SLC10A6: variants seen among roughly 807,000 people sequenced by gnomAD.
SLC10A6 encodes the protein sodium-dependent organic anion transporter.
Under a neutral mutation model 30.0 loss-of-function variants are expected in SLC10A6, and 27 were observed. The ratio of observed to expected loss-of-function variants is 0.90; its 90% confidence interval spans 0.66 to 1.24. The LOEUF (loss-of-function observed/expected upper bound fraction) is 1.24. Ranked by LOEUF, SLC10A6 falls within the 50% of genes most tolerant of loss-of-function variation. The pLI is 0.00. For missense variants in SLC10A6, 439 were observed against 457.0 expected, an observed-to-expected ratio of 0.96 and a Z score of 0.36; for synonymous variants, 166 against 173.8, an observed-to-expected ratio of 0.95 and a Z score of 0.36.
intron 1 of SLC10A6, among the ~76,000 whole-genome samples, chr4:86,842,694 T>A (rs1172846414): frequency 7.2e-5 from 8 of 110,670 alleles, no homozygotes; most frequent in African/African-American, 4.5e-4. Flanking sequence ...TAAGACCCTG[T>A]CTCAAAAAAA....
intron 1 of SLC10A6, among the ~76,000 whole-genome samples, chr4:86,842,954 C>T (rs1467632436): frequency 6.7e-6 from 1 of 149,306 alleles, no homozygotes; most frequent in Non-Finnish European, 1.5e-5. Context: ...TCACAGCAAC[C>T]TCTGCCTCCT....
At chr4:86,837,225 G>GAGAC (rs1553899172) in intron 1 of SLC10A6, among the ~76,000 whole-genome samples, 1 of 39,120 alleles carries the variant, frequency 2.6e-5, no homozygotes, top group East Asian at 9.3e-4. Flanking sequence ...GAGAGAGAGA[G>GAGAC]AGAAAGAAAG....
At chr4:86,832,175 C>T (rs1578755476) in intron 2 of SLC10A6, among the ~76,000 whole-genome samples, 1 of 152,134 alleles carries the variant, frequency 6.6e-6, no homozygotes, top group East Asian at 1.9e-4. Context: ...TAAGGTTTCC[C>T]TCAAATTTTA....
chr4:86,836,572 T>C lies in SLC10A6; in HGVS notation c.378-3148A>G, dbSNP rs569989177. ...CACCAGACAATAGATGCCAGCACCT[T>C]CATCTTAGACTTCCCAGCCTCCAGA... On this transcript the variant is annotated intron_variant, in intron 1 of 5. Transcript: ENST00000273905. Among the ~76,000 whole-genome samples the C allele has an allele frequency of 5.3e-5, 8 of 152,318 alleles. No homozygotes were observed. The South Asian group carries it at 1.7e-3, about 32-fold the overall frequency.
intron 3 of SLC10A6, among the ~76,000 whole-genome samples, chr4:86,829,488 T>C (rs1304776500): frequency 6.6e-6 from 1 of 151,960 alleles, no homozygotes. Context: ...CAAAGTTTAA[T>C]ATCCACCAAG....
rs1560460402 is a variant in SLC10A6, at chr4:86,837,297, G to A, written c.378-3873C>T. On this transcript the variant is annotated intron_variant, in intron 1 of 5. Coordinates refer to ENST00000273905, the MANE Select transcript of SLC10A6 (RefSeq NM_197965.3). Reference sequence around the variant, plus strand: ...AAAGAAAGAAAGAAAAAGAAAGGAAGGAAGGAAGGAAGGAAGGAAGGAAGG... The same window carrying A: ...AAAGAAAGAAAGAAAAAGAAAGGAAAGAAGGAAGGAAGGAAGGAAGGAAGG... Among the ~76,000 whole-genome samples the A allele has an allele frequency of 1.2e-3, 118 of 95,408 alleles. 3 individuals carry two copies. Among genetic ancestry groups the A allele is most frequent in the African/African-American group, 2.7e-3 (57 of 21,162 alleles). The allele number at this position is 95,408 out of a possible 152,430, so 62.6% of individuals were successfully genotyped here.
In SLC10A6 at chr4:86,848,960, G is replaced by T; in HGVS notation, c.156C>A (p.Ser52=). Residue 52 remains serine, a synonymous_variant, in exon 1 of 6, where the codon TCC becomes TCA. Transcript: ENST00000273905. ...MGLLMFSLGC[S]VEIRKLWSHI... Reference sequence around the variant, plus strand: ...GCGACCACAGCTTCCGGATCTCCACGGAACATCCCAAAGAGAACATGAGCA... The same window carrying T: ...GCGACCACAGCTTCCGGATCTCCACTGAACATCCCAAAGAGAACATGAGCA... The T allele has an allele frequency of 6.2e-7, 1 of 1,614,082 alleles. No individual in the cohort carries two copies. The highest frequency in any genetic ancestry group is 8.5e-7 in the Non-Finnish European group (1 of 1,180,002).
rs58692864 is a variant in SLC10A6, at chr4:86,837,343, A to AAGGAAGGAAGGAAGGAAGGCAGGCAGGC, written c.378-3920_378-3919insGCCTGCCTGCCTTCCTTCCTTCCTTCCT. On this transcript the variant is annotated intron_variant, in intron 1 of 5. Transcript: ENST00000273905. Reference sequence around the variant, plus strand: ...GAAGGAAGGAAGGAAGGAAGGAAGGAAGGCAGGCAGGCAGGCTGGGATTTG... The same window carrying AAGGAAGGAAGGAAGGAAGGCAGGCAGGC: ...GAAGGAAGGAAGGAAGGAAGGAAGGAAGGAAGGAAGGAAGGAAGGCAGGCAGGCAGGCAGGCAGGCAGGCTGGGATTTG... Among the ~76,000 whole-genome samples, 97 of 102,916 alleles carry AAGGAAGGAAGGAAGGAAGGCAGGCAGGC rather than the reference A, an allele frequency of 9.4e-4. 1 individual carries two copies. The highest frequency in any genetic ancestry group is 5.1e-3 in the Middle Eastern group (1 of 198). The allele number at this position is 102,916 out of a possible 152,430, so 67.5% of individuals were successfully genotyped here.
intron 3 of SLC10A6, among the ~76,000 whole-genome samples, chr4:86,830,585 GC>G (rs1451795424): frequency 6.6e-6 from 1 of 152,080 alleles, no homozygotes; most frequent in African/African-American, 2.4e-5. Context: ...TGCTTGGCAA[GC>G]CCTCTCCTCT....
intron 1 of SLC10A6, among the ~76,000 whole-genome samples, chr4:86,844,614 G>A (rs1746362178): frequency 6.6e-6 from 1 of 152,200 alleles, no homozygotes; most frequent in Non-Finnish European, 1.5e-5. Context: ...GAACCCTGCT[G>A]CTGCCATGTA....
intron 1 of SLC10A6, among the ~76,000 whole-genome samples, chr4:86,848,321 G>C (rs554036331): frequency 3.9e-5 from 6 of 152,120 alleles, no homozygotes. Context: ...CTGGAGCTAC[G>C]GGAGTCTCAT....
intron 1 of SLC10A6, among the ~76,000 whole-genome samples, chr4:86,844,403 C>T (rs191166857): frequency 2.6e-4 from 39 of 152,216 alleles, no homozygotes; most frequent in African/African-American, 9.1e-4. Context: ...AAAAATGCCC[C>T]CTATTCTTCA....
chr4:86,837,221 G>A (rs868203561), intron 1 of SLC10A6, among the ~76,000 whole-genome samples: 6 of 78,642 alleles, frequency 7.6e-5, no homozygotes, highest in African/African-American at 1.5e-4. Flanking sequence ...GAGAGAGAGA[G>A]AGAGAGAAAG....
chr4:86,848,262 A>G (rs1746425755), intron 1 of SLC10A6, among the ~76,000 whole-genome samples: 1 of 152,212 alleles, frequency 6.6e-6, no homozygotes, highest in East Asian at 1.9e-4. Flanking sequence ...TCCTTTATCC[A>G]GTCCTCTAAA....
In SLC10A6 at chr4:86,842,861, TC is replaced by T. The variant is rs1560461911; in HGVS notation, c.377+5877del. ...TTCTTTCTTTCTTTCTTTCTTTCTT[TC>T]TTTCTTTCTTTCTTTTTTTTTTTGA... On this transcript the variant is annotated intron_variant, in intron 1 of 5. Transcript: ENST00000273905. 4.3e-4 allele frequency among the ~76,000 whole-genome samples: 25 copies of T among 58,504 alleles called. 3 individuals carry two copies. The highest frequency in any genetic ancestry group is 9.8e-4 in the African/African-American group (6 of 6,114). 38.4% of individuals were successfully genotyped at this position (58,504 alleles called of 152,430 possible).
intron 1 of SLC10A6, among the ~76,000 whole-genome samples, chr4:86,839,616 T>C (rs1578758798): frequency 6.6e-6 from 1 of 152,218 alleles, no homozygotes; most frequent in Non-Finnish European, 1.5e-5. Flanking sequence ...ATTTCTTCAA[T>C]CACTTCATTA....
At chr4:86,829,480 A>G (rs976399979) in intron 3 of SLC10A6, among the ~76,000 whole-genome samples, 3 of 152,092 alleles carry the variant, frequency 2.0e-5, no homozygotes, top group Non-Finnish European at 4.4e-5. Context: ...AAAGATTTCA[A>G]AGTTTAATAT....
Position 86,825,534 on chromosome 4 carries a change from T to G in SLC10A6, c.805A>C (p.Met269Leu). Residue 269 changes from methionine (M) to leucine (L), a missense_variant, in exon 5 of 6, where the codon ATG becomes CTG. Physicochemically the swap from Met to Leu is conservative, Grantham distance 15. Coordinates refer to ENST00000273905, the MANE Select transcript of SLC10A6 (RefSeq NM_197965.3). Reference protein sequence around the residue: ...SLETGAQNIQMCITMLQLSFT... With the variant: ...SLETGAQNIQLCITMLQLSFT... ...GATAACTGGAGCATGGTGATGCACATCTGAATATTCTGAGCTCCAGTTTCT... is the reference window on the plus strand; with the variant it reads ...GATAACTGGAGCATGGTGATGCACAGCTGAATATTCTGAGCTCCAGTTTCT... 1 of 1,610,078 alleles carries G rather than the reference T, an allele frequency of 6.2e-7. No homozygotes were observed. Among genetic ancestry groups the G allele is most frequent in the Non-Finnish European group, 8.5e-7 (1 of 1,176,644 alleles).
chr4:86,846,386 A>G (rs573476381), intron 1 of SLC10A6, among the ~76,000 whole-genome samples: 3 of 152,150 alleles, frequency 2.0e-5, no homozygotes, highest in Non-Finnish European at 4.4e-5. Context: ...GGCACTCTGA[A>G]TACACACACA....
Sources: gnomAD v4.1 joint callset for allele counts (sites outside exome capture counted in the v4.1 genomes callset) on GRCh38, gnomAD v4.1.1 for gene constraint, MANE v1.5 for transcripts, NCBI Gene and HGNC (gene_info 2026-07-23, HGNC 2026-07-21) for gene names.